Variants in ASPRV1 observed in about 807,000 individuals in gnomAD.
ASPRV1 encodes the protein retroviral-like aspartic protease 1.
A neutral mutation model predicts 11.0 loss-of-function variants in ASPRV1; 7 were observed. The observed-to-expected ratio is 0.64, with a 90% CI of 0.36 to 1.20. The LOEUF (loss-of-function observed/expected upper bound fraction) is 1.20, where lower values mean the gene tolerates loss of function less well. Among genes scored for constraint, ASPRV1 ranks in the 50% most tolerant of loss-of-function variants. The probability of loss-of-function intolerance (pLI) is 0.02; values close to 1 mark genes in which losing one functional copy is unlikely to be tolerated. For synonymous variants in ASPRV1, 136 were observed against 138.4 expected (o/e 0.98, Z 0.12); for missense variants, 299 against 320.0 (o/e 0.93, Z 0.50).
At chr2:70,035,890 A>C in the ASPRV1 span, among the ~76,000 whole-genome samples, 1 of 151,708 alleles carries the variant, frequency 6.6e-6, no homozygotes, top group Non-Finnish European at 1.5e-5. Context: ...TTATTTAACT[A>C]ACTCAAGCCC....
the ASPRV1 span, chr2:69,988,914 T>C: frequency 2.5e-6 from 1 of 393,838 alleles, no homozygotes; most frequent in East Asian, 7.5e-5. Context: ...CCAGAACGGC[T>C]CTCCTGTTAC....
the ASPRV1 span, among the ~76,000 whole-genome samples, chr2:69,935,929 G>A: frequency 6.6e-6 from 1 of 152,020 alleles, no homozygotes; most frequent in African/African-American, 2.4e-5. Flanking sequence ...TTCTTCTGTG[G>A]CTCAGGACAA....
chr2:70,041,598 T>C, the ASPRV1 span, among the ~76,000 whole-genome samples: 1 of 152,230 alleles, frequency 6.6e-6, no homozygotes. Context: ...GATCCCCATG[T>C]GTAACATCAA....
chr2:69,941,482 C>T, the ASPRV1 span: 1 of 152,330 alleles, frequency 6.6e-6, no homozygotes, highest in African/African-American at 2.4e-5. Flanking sequence ...TAGATTTTCC[C>T]TGTCAACCTA....
At chr2:69,977,256 G>A in the ASPRV1 span, among the ~76,000 whole-genome samples, 6 of 152,074 alleles carry the variant, frequency 3.9e-5, no homozygotes, top group African/African-American at 1.4e-4. Context: ...AAAAATTATG[G>A]GAATTCCCAG....
rs1678074698 is a variant in ASPRV1, at chr2:69,960,968, T to C, written c.469A>G (p.Asn157Asp). The C allele has an allele frequency of 6.2e-7, 1 of 1,613,746 alleles. No homozygotes were observed. The highest frequency in any genetic ancestry group is 2.2e-5 in the East Asian group (1 of 44,870). Residue 157 changes from asparagine (N) to aspartate (D), a missense_variant, in exon 1 of 1, where the codon AAT (asparagine) becomes GAT (aspartate). Asn to Asp is a conservative substitution (Grantham distance 23, BLOSUM62 1). Coordinates refer to ENST00000320256, the MANE Select transcript of ASPRV1 (RefSeq NM_152792.4). ...GDLDTLQPFE[N>D]VVKVANGAEM... ...GCACCATTGGCCACCTTTACCACAT[T>C]CTCAAAGGGCTGCAGGGTGTCCAGA...
At chr2:70,072,248 A>G in the ASPRV1 span, among the ~76,000 whole-genome samples, 3 of 149,428 alleles carry the variant, frequency 2.0e-5, no homozygotes, top group African/African-American at 7.3e-5. Flanking sequence ...CACTGCACCC[A>G]GCCTCTACAG....
the ASPRV1 span, among the ~76,000 whole-genome samples, chr2:70,067,259 G>A: frequency 2.0e-5 from 3 of 151,880 alleles, no homozygotes; most frequent in African/African-American, 7.3e-5. Flanking sequence ...TCATTACTGG[G>A]TTTGGGGCTT....
chr2:70,004,733 T>C, the ASPRV1 span, among the ~76,000 whole-genome samples: 1 of 152,188 alleles, frequency 6.6e-6, no homozygotes, highest in South Asian at 2.1e-4. Context: ...CCTCTTCTCG[T>C]CTCCTGCTCT....
the ASPRV1 span, chr2:70,019,214 T>G: frequency 6.6e-6 from 1 of 152,152 alleles, no homozygotes; most frequent in African/African-American, 2.4e-5. Flanking sequence ...CAATGACATA[T>G]CACCTCACTC....
chr2:69,972,328 T>C, the ASPRV1 span, among the ~76,000 whole-genome samples: 1 of 150,344 alleles, frequency 6.7e-6, no homozygotes, highest in Non-Finnish European at 1.5e-5. Flanking sequence ...CCCAAAGTTA[T>C]GGGATTACAG....
At chr2:70,008,799 C>G in the ASPRV1 span, among the ~76,000 whole-genome samples, 1 of 152,146 alleles carries the variant, frequency 6.6e-6, no homozygotes, top group African/African-American at 2.4e-5. Context: ...GTCCTGCCCC[C>G]AGCCAGCCTG....
chr2:69,957,603 T>C (rs1677969489), downstream of ASPRV1, among the ~76,000 whole-genome samples: 1 of 151,812 alleles, frequency 6.6e-6, no homozygotes. Context: ...CTAGAATCAC[T>C]TGGGGATCTT....
the ASPRV1 span, among the ~76,000 whole-genome samples, chr2:70,026,668 A>G: frequency 6.6e-6 from 1 of 152,116 alleles, no homozygotes; most frequent in Non-Finnish European, 1.5e-5. Context: ...CTCTACAATA[A>G]AAACTATAAA....
At chr2:69,933,677 C>T in the ASPRV1 span, among the ~76,000 whole-genome samples, 1 of 152,214 alleles carries the variant, frequency 6.6e-6, no homozygotes, top group Non-Finnish European at 1.5e-5. Flanking sequence ...CTTACTAGCC[C>T]TGCCTTAGGG....
At chr2:69,943,107 C>G in the ASPRV1 span, among the ~76,000 whole-genome samples, 10 of 152,138 alleles carry the variant, frequency 6.6e-5, no homozygotes, top group Non-Finnish European at 1.3e-4. Context: ...GATTGTGTGG[C>G]TCCAGTTGAG....
the ASPRV1 span, among the ~76,000 whole-genome samples, chr2:70,016,997 CA>C: frequency 1.3e-4 from 20 of 152,046 alleles, no homozygotes; most frequent in African/African-American, 4.8e-4. Context: ...ATGATCATCT[CA>C]ATTTTTTTTT....
chr2:69,963,580 G>A (rs1678214762), upstream of ASPRV1: 2 of 399,262 alleles, frequency 5.0e-6, no homozygotes, highest in Non-Finnish European at 1.0e-5. Context: ...TGACAAGCTG[G>A]GACTGCCAAA....
the ASPRV1 span, chr2:69,940,964 A>T: frequency 6.6e-6 from 1 of 152,632 alleles, no homozygotes. Context: ...GCTAAGAGCT[A>T]TAGTCTTTTT....
Sources: allele counts gnomAD v4.1 joint callset (sites outside exome capture counted in the v4.1 genomes callset), GRCh38; gene constraint gnomAD v4.1.1; transcripts MANE v1.5; gene names NCBI Gene and HGNC (gene_info 2026-07-23, HGNC 2026-07-21).